The following KAT2B variants were observed in gnomAD, a reference collection of about 807,000 sequenced individuals.
KAT2B encodes the protein lysine acetyltransferase 2B.
KAT2B carries 36 observed loss-of-function variants against 105.9 expected under a neutral mutation model. That is an observed-to-expected ratio of 0.34 (90% CI 0.26 to 0.45). The LOEUF is 0.45. Ranked by LOEUF, KAT2B falls within the 20% of genes least tolerant of loss-of-function variation. The probability of loss-of-function intolerance (pLI) is 1.00; values close to 1 mark genes in which losing one functional copy is unlikely to be tolerated. For synonymous variants in KAT2B, 397 were observed against 377.9 expected (o/e 1.05, Z -0.59); for missense variants, 820 against 1,021.6 (o/e 0.80, Z 2.69).
chr3:20,074,274 A>C (rs1483811631), intron 2 of KAT2B, among the ~76,000 whole-genome samples: 1 of 152,222 alleles, frequency 6.6e-6, no homozygotes, highest in East Asian at 1.9e-4. Context: ...GATTGTGAAG[A>C]AATCAGGTAA....
At chr3:20,111,871 A>C (rs954589899) in intron 6 of KAT2B, 84 bp downstream of exon 6, 3 of 1,081,636 alleles carry the variant, frequency 2.8e-6, no homozygotes, top group African/African-American at 3.2e-5. Flanking sequence ...ATAAATAACA[A>C]GATCGGAAAT....
intron 2 of KAT2B, among the ~76,000 whole-genome samples, chr3:20,081,785 A>G (rs1698523391): frequency 6.6e-6 from 1 of 151,836 alleles, no homozygotes; most frequent in African/African-American, 2.4e-5. Flanking sequence ...AATTTACATA[A>G]AAGTCATGAG....
chr3:20,071,501 A>G (rs1417290873), intron 1 of KAT2B, among the ~76,000 whole-genome samples: 1 of 152,256 alleles, frequency 6.6e-6, no homozygotes, highest in Non-Finnish European at 1.5e-5. Flanking sequence ...TGAACCTTTC[A>G]TACGTTGAGA....
At chr3:20,048,004 G>A (rs1233230419) in intron 1 of KAT2B, among the ~76,000 whole-genome samples, 1 of 152,166 alleles carries the variant, frequency 6.6e-6, no homozygotes, top group African/African-American at 2.4e-5. Flanking sequence ...TTTTGGCAAG[G>A]CTTCAGATAG....
At chr3:20,138,579 CTG>C (rs901687140) in intron 12 of KAT2B, among the ~76,000 whole-genome samples, 39 of 151,984 alleles carry the variant, frequency 2.6e-4, no homozygotes, top group South Asian at 4.2e-4. Context: ...GAGTTGGTAA[CTG>C]AAAAAAAATT....
At chr3:20,074,531 T>C (rs898693776) in intron 2 of KAT2B, among the ~76,000 whole-genome samples, 1 of 152,156 alleles carries the variant, frequency 6.6e-6, no homozygotes, top group African/African-American at 2.4e-5. Flanking sequence ...AAATACATGA[T>C]TATTGGCTGA....
chr3:20,102,949 A>G (rs1441720435), intron 5 of KAT2B, among the ~76,000 whole-genome samples: 2 of 152,218 alleles, frequency 1.3e-5, no homozygotes, highest in Non-Finnish European at 2.9e-5. Flanking sequence ...AATTTAAAAT[A>G]AGCTTTCCTC....
At chr3:20,131,223 CCAGGCTGGT>C (rs1699506456) in intron 11 of KAT2B, among the ~76,000 whole-genome samples, 2 of 151,936 alleles carry the variant, frequency 1.3e-5, no homozygotes, top group South Asian at 4.1e-4. Flanking sequence ...ATCACGTTGG[CCAGGCTGGT>C]CTCAAACTCC....
chr3:20,087,538 C>T (rs529964499), intron 2 of KAT2B, among the ~76,000 whole-genome samples: 2 of 152,028 alleles, frequency 1.3e-5, no homozygotes, highest in African/African-American at 4.8e-5. Context: ...ATTCTGTTAG[C>T]AATTTTCAAT....
chr3:20,079,986 TTG>T (rs1357309263), intron 2 of KAT2B, among the ~76,000 whole-genome samples: 31 of 152,340 alleles, frequency 2.0e-4, no homozygotes, highest in African/African-American at 7.2e-4. Flanking sequence ...GAAATCCTGT[TTG>T]ATACTCCCTT....
chr3:20,088,650 A>G (rs1362367692), intron 2 of KAT2B, among the ~76,000 whole-genome samples: 1 of 152,144 alleles, frequency 6.6e-6, no homozygotes, highest in African/African-American at 2.4e-5. Context: ...TATTAGCTTC[A>G]TCAAATGTAT....
chr3:20,148,803 CT>C (rs1284823112), intron 17 of KAT2B: 3 of 242,716 alleles, frequency 1.2e-5, no homozygotes, highest in Non-Finnish European at 2.4e-5. Flanking sequence ...TATTCTAACT[CT>C]TTGGTGCAAA....
In KAT2B at chr3:20,063,228, C is replaced by T. The variant is rs1698167122; in HGVS notation, c.304-9105C>T. Among the ~76,000 whole-genome samples, 3 of 151,998 alleles carry T rather than the reference C, an allele frequency of 2.0e-5. No individual in the cohort carries two copies. In the South Asian group the frequency reaches 6.2e-4, roughly 32 times the overall value. On this transcript the variant is annotated intron_variant, in intron 1 of 17. Coordinates refer to ENST00000263754, the MANE Select transcript of KAT2B (RefSeq NM_003884.5). ...GACTGCAGGCGTGCACCACTATGTC[C>T]AGCTAATTTTTAAAATTTTTGTAGA...
At chr3:20,136,785 G>A (rs541634364) in intron 11 of KAT2B, among the ~76,000 whole-genome samples, 157 bp from the exon 12 acceptor site, 4 of 152,078 alleles carry the variant, frequency 2.6e-5, no homozygotes, top group Non-Finnish European at 5.9e-5. Context: ...GTTAAGAAAC[G>A]CAAGAAAGGG....
At chr3:20,071,932 C>T (rs1698330814) in intron 1 of KAT2B, among the ~76,000 whole-genome samples, 1 of 152,156 alleles carries the variant, frequency 6.6e-6, no homozygotes, top group Non-Finnish European at 1.5e-5. Context: ...TGCCTTGGAA[C>T]CTGCAAGGCT....
chr3:20,125,853 C>G (rs1463465622), intron 9 of KAT2B, 52 bp from the exon 10 acceptor site: 23 of 1,445,374 alleles, frequency 1.6e-5, no homozygotes, highest in Non-Finnish European at 2.1e-5. Flanking sequence ...CCCATCCCCA[C>G]TGTCTTGAGA....
Position 20,096,949 on chromosome 3 carries a change from A to G in KAT2B, c.576+1541A>G, listed in dbSNP as rs909060548. Among the ~76,000 whole-genome samples, 12 of 150,288 alleles carry G rather than the reference A, an allele frequency of 8.0e-5. No individual in the cohort carries two copies. The East Asian group carries it at 2.0e-3, about 25-fold the overall frequency. Reference sequence around the variant, plus strand: ...ATTAACTTTAAAAAGAATAATAGGAAAGAGAGAGAGAGAGAGAGAGAGAAA... The same window carrying G: ...ATTAACTTTAAAAAGAATAATAGGAGAGAGAGAGAGAGAGAGAGAGAGAAA... On this transcript the variant is annotated intron_variant, in intron 3 of 17. Coordinates refer to ENST00000263754, the MANE Select transcript of KAT2B (RefSeq NM_003884.5).
At chr3:20,117,363 A>T (rs1575143487) in intron 7 of KAT2B, among the ~76,000 whole-genome samples, 1 of 152,150 alleles carries the variant, frequency 6.6e-6, no homozygotes, top group East Asian at 1.9e-4. Context: ...GAAGAGTGTA[A>T]TCATCTACTT....
At chr3:20,090,982 G>T (rs1698708386) in intron 2 of KAT2B, among the ~76,000 whole-genome samples, 1 of 152,010 alleles carries the variant, frequency 6.6e-6, no homozygotes, top group Non-Finnish European at 1.5e-5. Flanking sequence ...GAACTCCTAG[G>T]CTTAAGCATT....
Sources: allele counts gnomAD v4.1 joint callset (sites outside exome capture counted in the v4.1 genomes callset), GRCh38; gene constraint gnomAD v4.1.1; transcripts MANE v1.5; gene names NCBI Gene and HGNC (gene_info 2026-07-23, HGNC 2026-07-21).